TMEM131: variants seen among roughly 807,000 people sequenced by gnomAD.
The protein encoded by TMEM131 is 2610524E03Rik.
TMEM131 carries 66 observed loss-of-function variants against 211.6 expected under a neutral mutation model. The ratio of observed to expected loss-of-function variants is 0.31; its 90% CI spans 0.26 to 0.38. The LOEUF (loss-of-function observed/expected upper bound fraction) is 0.38. TMEM131 is among the 10% of genes least tolerant of loss of function. The pLI, the probability that TMEM131 is intolerant of heterozygous loss-of-function variation, is 1.00. For missense variants in TMEM131, 2,036 were observed against 2,299.3 expected, an observed-to-expected ratio of 0.89 and a Z score of 2.34; for synonymous variants, 844 against 841.3, an observed-to-expected ratio of 1.00 and a Z score of -0.06.
chr2:97,804,402 C>T (rs758421188), intron 22 of TMEM131, among the ~76,000 whole-genome samples: 6 of 151,948 alleles, frequency 3.9e-5, no homozygotes, highest in Non-Finnish European at 8.8e-5. Flanking sequence ...CAGTGGGTCA[C>T]GCCTGTAATC....
rs1357077205 is a variant in TMEM131, at chr2:97,775,988, T to A, written c.4175A>T (p.Lys1392Ile). 1 of 1,613,988 alleles carries A rather than the reference T, an allele frequency of 6.2e-7. No individual in the cohort carries two copies. Among genetic ancestry groups the A allele is most frequent in the Admixed American group, 1.7e-5 (1 of 60,028 alleles). Residue 1392 changes from lysine (K) to isoleucine (I), a missense_variant, in exon 32 of 41, where the codon AAA (lysine) becomes ATA (isoleucine). Coordinates refer to ENST00000186436, the MANE Select transcript of TMEM131 (RefSeq NM_015348.2). ...GKGKPLQRKV[K>I]PPKKQEEKEK... The stretch of plus-strand genomic sequence containing the variant: ...CTTTTCCTCTTGCTTCTTAGGTGGT[T>A]TCACCTTGCGCTGAAGAGGTTTTCC...
intron 19 of TMEM131, among the ~76,000 whole-genome samples, chr2:97,806,636 G>T (rs1352872946): frequency 6.6e-6 from 1 of 152,088 alleles, no homozygotes; most frequent in Non-Finnish European, 1.5e-5. Flanking sequence ...CTGTGACAGG[G>T]TACCAAATTT....
chr2:97,797,391 T>A lies in TMEM131; in HGVS notation c.2844A>T (p.Arg948Ser). ...TGACTATGATAAGTGAAGAAACAGT[T>A]CTGTTGTGAACTGGAGTAAACTTTA... ...VKVKFTPVHN[R>S]TVSSLIIVRN... Residue 948 changes from arginine to serine, a missense_variant, in exon 26 of 41, where the codon AGA becomes AGT. Around this residue, in one of 3 missense-constraint regions of TMEM131, gnomAD observed 1,623 missense variants for 1,805.9 expected, o/e 0.90. Coordinates refer to ENST00000186436, the MANE Select transcript of TMEM131 (RefSeq NM_015348.2). 6.2e-7 allele frequency: 1 copy of A among 1,610,264 alleles called. No individual in the cohort carries two copies. The highest frequency in any genetic ancestry group is 1.1e-5 in the South Asian group (1 of 90,600).
intron 31 of TMEM131, among the ~76,000 whole-genome samples, chr2:97,790,988 T>G (rs1254111037): frequency 6.6e-6 from 1 of 152,340 alleles, no homozygotes; most frequent in East Asian, 1.9e-4. Context: ...CTCTTAGGGC[T>G]GCCAAGATCC....
intron 4 of TMEM131, among the ~76,000 whole-genome samples, chr2:97,883,768 T>G (rs890413412): frequency 6.6e-6 from 1 of 152,184 alleles, no homozygotes; most frequent in Non-Finnish European, 1.5e-5. Flanking sequence ...TGTTCTTTAT[T>G]ATAAAATAAC....
chr2:97,942,736 C>A (rs995942979), intron 1 of TMEM131, among the ~76,000 whole-genome samples: 3 of 151,854 alleles, frequency 2.0e-5, no homozygotes, highest in Admixed American at 1.3e-4. Context: ...AAAGAATAGC[C>A]TAGGGACAGG....
intron 1 of TMEM131, among the ~76,000 whole-genome samples, chr2:97,950,634 AT>A (rs536186937): frequency 3.0e-4 from 45 of 148,078 alleles, no homozygotes; most frequent in East Asian, 7.8e-4. Context: ...CTTAGAAATA[AT>A]TTTTTTTTTT....
intron 4 of TMEM131, among the ~76,000 whole-genome samples, chr2:97,861,746 CCTGGTCTGGA>C (rs1011616961): frequency 3.3e-5 from 5 of 151,986 alleles, no homozygotes; most frequent in East Asian, 3.9e-4. Flanking sequence ...GACTCCAGTC[CCTGGTCTGGA>C]CTGGTCTGGA....
At chr2:97,830,790 G>T (rs1682643508) in intron 11 of TMEM131, among the ~76,000 whole-genome samples, 2 of 152,156 alleles carry the variant, frequency 1.3e-5, no homozygotes, top group Non-Finnish European at 2.9e-5. Flanking sequence ...CATCCTGTCT[G>T]TTAGCAGTTG....
chr2:97,982,548 GT>G (rs896622844), intron 1 of TMEM131, among the ~76,000 whole-genome samples: 16 of 151,906 alleles, frequency 1.1e-4, no homozygotes, highest in African/African-American at 3.9e-4. Context: ...CCCTTTTGTT[GT>G]TTGTGCTTTT....
chr2:97,963,841 A>C (rs945851189), intron 1 of TMEM131, among the ~76,000 whole-genome samples: 14 of 152,262 alleles, frequency 9.2e-5, no homozygotes, highest in African/African-American at 3.4e-4. Flanking sequence ...ATACTACATC[A>C]CATATTTTTA....
chr2:97,839,949 A>G (rs1291563299), intron 7 of TMEM131, among the ~76,000 whole-genome samples: 3 of 152,084 alleles, frequency 2.0e-5, no homozygotes, highest in African/African-American at 7.2e-5. Context: ...AATTGTTAAC[A>G]TTTTTTTCCT....
chr2:97,868,395 G>A (rs1258904423), intron 4 of TMEM131, among the ~76,000 whole-genome samples: 1 of 151,754 alleles, frequency 6.6e-6, no homozygotes, highest in African/African-American at 2.4e-5. Flanking sequence ...GTTGTGTCTC[G>A]CTTTTTTATT....
chr2:97,989,092 T>C (rs1042066368), intron 1 of TMEM131, among the ~76,000 whole-genome samples: 5 of 152,210 alleles, frequency 3.3e-5, no homozygotes. Context: ...GAAGGAACTA[T>C]AAATGTTGTC....
At chr2:97,898,968 T>C (rs1486092625) in intron 3 of TMEM131, among the ~76,000 whole-genome samples, 1 of 151,896 alleles carries the variant, frequency 6.6e-6, no homozygotes, top group Non-Finnish European at 1.5e-5. Context: ...TACTTAATAG[T>C]GTTCTTCAAA....
At chr2:97,978,854 C>T (rs1679662182) in intron 1 of TMEM131, among the ~76,000 whole-genome samples, 1 of 152,178 alleles carries the variant, frequency 6.6e-6, no homozygotes, top group Admixed American at 6.5e-5. Context: ...ATGGCAAATC[C>T]TTTCCAGGAG....
At chr2:97,891,286 CAG>C (rs1432184806) in intron 3 of TMEM131, among the ~76,000 whole-genome samples, 1 of 152,060 alleles carries the variant, frequency 6.6e-6, no homozygotes, top group African/African-American at 2.4e-5. Context: ...TTTTGAGAGA[CAG>C]GGGTCTCGTT....
intron 4 of TMEM131, among the ~76,000 whole-genome samples, chr2:97,879,855 T>A (rs1674852198): frequency 6.6e-6 from 1 of 152,154 alleles, no homozygotes; most frequent in Admixed American, 6.5e-5. Context: ...AAAAGTAGGC[T>A]ATTAGTAGTT....
At chr2:97,857,135 CA>C (rs1478566489) in intron 5 of TMEM131, among the ~76,000 whole-genome samples, 3 of 152,090 alleles carry the variant, frequency 2.0e-5, no homozygotes, top group South Asian at 2.1e-4. Flanking sequence ...TTGTTTGGCC[CA>C]TACTGTCTTT....
Sources: gnomAD v4.1 joint callset for allele counts (sites outside exome capture counted in the v4.1 genomes callset) on GRCh38, gnomAD v4.1.1 for gene constraint, gnomAD v4.1.1 regional missense constraint, MANE v1.5 for transcripts, NCBI Gene and HGNC (gene_info 2026-07-23, HGNC 2026-07-21) for gene names.